The following MBOAT1 variants were observed in gnomAD, a reference collection of about 807,000 sequenced individuals.
MBOAT1 encodes membrane-bound glycerophospholipid O-acyltransferase 1.
A neutral mutation model predicts 64.4 loss-of-function variants in MBOAT1; 67 were observed. The ratio of observed to expected loss-of-function variants is 1.04; its 90% CI spans 0.85 to 1.27. The LOEUF is 1.27. Ranked by LOEUF, MBOAT1 falls within the 50% of genes most tolerant of loss-of-function variation. The probability of loss-of-function intolerance (pLI) is 0.00; values close to 1 mark genes in which losing one functional copy is unlikely to be tolerated. For synonymous variants in MBOAT1, 229 were observed against 218.9 expected, an observed-to-expected ratio of 1.05 and a Z score of -0.41; for missense variants, 563 against 604.6, an observed-to-expected ratio of 0.93 and a Z score of 0.72.
intron 12 of MBOAT1, among the ~76,000 whole-genome samples, chr6:20,108,073 C>T (rs577537720): frequency 2.0e-5 from 3 of 152,314 alleles, no homozygotes; most frequent in East Asian, 1.9e-4. Context: ...GGGGATACGC[C>T]TCTCTGAGGA....
intron 12 of MBOAT1, among the ~76,000 whole-genome samples, chr6:20,104,015 T>C (rs1581390270): frequency 6.6e-6 from 1 of 152,322 alleles, no homozygotes; most frequent in South Asian, 2.1e-4. Flanking sequence ...TATCCTTTTT[T>C]ATCTTTGCCA....
At chr6:20,111,164 C>T (rs1254160037) in intron 11 of MBOAT1, among the ~76,000 whole-genome samples, 1 of 152,190 alleles carries the variant, frequency 6.6e-6, no homozygotes, top group Non-Finnish European at 1.5e-5. Flanking sequence ...CTTTGTAGAT[C>T]TTGTGGCACA....
intron 11 of MBOAT1, among the ~76,000 whole-genome samples, chr6:20,110,580 CAACT>C (rs1263528607): frequency 6.6e-6 from 1 of 151,556 alleles, no homozygotes; most frequent in African/African-American, 2.4e-5. Flanking sequence ...AATGGTCAAA[CAACT>C]AAGCAAACAA....
At chr6:20,111,859 C>CGTATATATACGTATATAT (rs1371697719) in intron 11 of MBOAT1, among the ~76,000 whole-genome samples, 1 of 108,646 alleles carries the variant, frequency 9.2e-6, no homozygotes, top group African/African-American at 4.2e-5. Context: ...TATATATATA[C>CGTATATATACGTATATAT]ATATATATAC....
At chr6:20,180,164 A>G (rs563890678) in intron 1 of MBOAT1, among the ~76,000 whole-genome samples, 4 of 152,202 alleles carry the variant, frequency 2.6e-5, no homozygotes, top group African/African-American at 9.6e-5. Flanking sequence ...CCGCCAGCCT[A>G]CTGCACCCAT....
intron 4 of MBOAT1, among the ~76,000 whole-genome samples, chr6:20,140,051 T>C (rs954217093): frequency 4.6e-5 from 7 of 152,064 alleles, no homozygotes; most frequent in Admixed American, 1.3e-4. Flanking sequence ...TGGCATCTCC[T>C]CTCACATAAG....
At chr6:20,183,726 G>A (rs78833526) in intron 1 of MBOAT1, among the ~76,000 whole-genome samples, 3,200 of 152,270 alleles carry the variant, frequency 0.021, 115 homozygotes, top group African/African-American at 0.072. Flanking sequence ...TGCCCAAAAG[G>A]CTTGCCAGCC....
intron 1 of MBOAT1, among the ~76,000 whole-genome samples, chr6:20,166,188 CTTGT>C (rs769650576): frequency 2.9e-4 from 44 of 152,256 alleles, no homozygotes; most frequent in Non-Finnish European, 5.1e-4. Context: ...TACACTGTAA[CTTGT>C]TTTTCATTCA....
chr6:20,109,266 C>G (rs904619853), intron 12 of MBOAT1, among the ~76,000 whole-genome samples: 2 of 152,142 alleles, frequency 1.3e-5, no homozygotes, highest in Non-Finnish European at 2.9e-5. Flanking sequence ...TACAGCCTAC[C>G]CCCCAGGAGA....
chr6:20,156,710 A>G (rs1761700085), intron 1 of MBOAT1, among the ~76,000 whole-genome samples: 1 of 152,218 alleles, frequency 6.6e-6, no homozygotes, highest in Admixed American at 6.5e-5. Flanking sequence ...GTGCACTCCT[A>G]ATGGGAATGT....
intron 12 of MBOAT1, among the ~76,000 whole-genome samples, chr6:20,108,563 A>C (rs1242302841): frequency 6.6e-6 from 1 of 152,208 alleles, no homozygotes; most frequent in Non-Finnish European, 1.5e-5. Flanking sequence ...TTGAGTAGTA[A>C]AAAATTCTTC....
intron 12 of MBOAT1, 73 bp downstream of exon 12, chr6:20,109,525 A>G: frequency 4.6e-6 from 7 of 1,537,824 alleles, no homozygotes; most frequent in Non-Finnish European, 6.2e-6. Flanking sequence ...CATTCAATTT[A>G]CTGCCTCCTA....
At chr6:20,130,647 C>G (rs1206523052) in intron 5 of MBOAT1, among the ~76,000 whole-genome samples, 1 of 151,844 alleles carries the variant, frequency 6.6e-6, no homozygotes, top group Non-Finnish European at 1.5e-5. Flanking sequence ...GCCACCGTGC[C>G]TGGCCCCTTT....
At chr6:20,178,533 A>G (rs1423838121) in intron 1 of MBOAT1, among the ~76,000 whole-genome samples, 1 of 152,242 alleles carries the variant, frequency 6.6e-6, no homozygotes, top group East Asian at 1.9e-4. Flanking sequence ...TAAGGTTGCT[A>G]TGGCTACCAA....
chr6:20,108,740 G>T (rs1760032787), intron 12 of MBOAT1, among the ~76,000 whole-genome samples: 1 of 152,238 alleles, frequency 6.6e-6, no homozygotes. Context: ...AGCATTTATT[G>T]AGTACAGACT....
intron 1 of MBOAT1, among the ~76,000 whole-genome samples, chr6:20,191,944 T>C (rs1313680329): frequency 2.0e-5 from 3 of 152,212 alleles, no homozygotes; most frequent in South Asian, 2.1e-4. Context: ...TTCCTTTACA[T>C]TGGAAGAGAC....
intron 1 of MBOAT1, among the ~76,000 whole-genome samples, chr6:20,199,063 G>A (rs920914979): frequency 3.9e-5 from 6 of 152,226 alleles, no homozygotes; most frequent in Non-Finnish European, 1.5e-5. Context: ...AGGCCAACCT[G>A]TAACCAGTCC....
intron 4 of MBOAT1, among the ~76,000 whole-genome samples, chr6:20,131,853 G>A (rs192488946): frequency 6.6e-6 from 1 of 151,996 alleles, no homozygotes; most frequent in African/African-American, 2.4e-5. Flanking sequence ...ATGCCCAGGA[G>A]CTAGTTGGAA....
intron 9 of MBOAT1, among the ~76,000 whole-genome samples, chr6:20,117,174 T>G (rs912167114): frequency 1.3e-5 from 2 of 152,188 alleles, no homozygotes; most frequent in Non-Finnish European, 2.9e-5. Context: ...TCAGAACTGA[T>G]GCTGGACCTT....
Sources: allele counts gnomAD v4.1 joint callset (sites outside exome capture counted in the v4.1 genomes callset), GRCh38; gene constraint gnomAD v4.1.1; transcripts MANE v1.5; gene names NCBI Gene and HGNC (gene_info 2026-07-23, HGNC 2026-07-21).